RBFOX1: variants seen among roughly 807,000 people sequenced by gnomAD.
The protein encoded by RBFOX1 is RNA binding protein fox-1 homolog 1.
Under a neutral mutation model 57.7 loss-of-function variants are expected in RBFOX1, and 8 were observed. The ratio of observed to expected loss-of-function variants is 0.14; its 90% CI spans 0.08 to 0.25. The LOEUF is 0.25. RBFOX1 is among the 10% of genes least tolerant of loss of function. The pLI is 1.00. For missense variants in RBFOX1, 611 were observed against 548.5 expected (o/e 1.11, Z -1.14); for synonymous variants, 326 against 222.4 (o/e 1.47, Z -4.15).
chr16:6,905,042 T>C (rs745685443), intron 3 of RBFOX1, among the ~76,000 whole-genome samples: 7 of 152,184 alleles, frequency 4.6e-5, no homozygotes, highest in East Asian at 1.9e-4. Context: ...TTTCAAGTTG[T>C]ACAAAATTGA....
chr16:6,888,039 G>C (rs1031314076), intron 3 of RBFOX1, among the ~76,000 whole-genome samples: 3 of 152,036 alleles, frequency 2.0e-5, no homozygotes, highest in Non-Finnish European at 4.4e-5. Flanking sequence ...GTGTTTGCTT[G>C]TGTGTCTGAT....
chr16:6,985,882 T>C (rs74878777), intron 3 of RBFOX1, among the ~76,000 whole-genome samples: 1 of 150,086 alleles, frequency 6.7e-6, no homozygotes, highest in Non-Finnish European at 1.5e-5. Flanking sequence ...TTTCTTTTCT[T>C]TTTTTGCAGG....
Position 6,256,147 on chromosome 16 carries a change from A to ATATATG in RBFOX1, c.-126-60843_-126-60842insGTATAT, listed in dbSNP as rs2097660152. Among the ~76,000 whole-genome samples, 6 of 36,496 alleles carry ATATATG rather than the reference A, an allele frequency of 1.6e-4. 1 individual carries two copies. The highest frequency in any genetic ancestry group is 2.8e-4 in the Non-Finnish European group (5 of 17,796). 23.9% of individuals were successfully genotyped at this position (36,496 alleles called of 152,430 possible). On this transcript the variant is annotated intron_variant, in intron 1 of 15. Transcript: ENST00000550418. ...AACAAATATATATATATGTGTGTAT[A>ATATATG]TATATATATATGTATATATATATGT... is the stretch of plus-strand genomic sequence containing the variant.
chr16:7,312,528 A>C (rs947521687), intron 4 of RBFOX1, among the ~76,000 whole-genome samples: 1 of 152,200 alleles, frequency 6.6e-6, no homozygotes, highest in Admixed American at 6.5e-5. Context: ...AAGGACACAG[A>C]CACAAGGGAC....
chr16:7,241,787 C>T (rs1037640416), intron 4 of RBFOX1, among the ~76,000 whole-genome samples: 2 of 151,704 alleles, frequency 1.3e-5, no homozygotes, highest in African/African-American at 4.8e-5. Flanking sequence ...CTCTTTCAAT[C>T]TGTCTATAAA....
rs568745130 is a variant in RBFOX1, at chr16:5,381,738, C to A, written c.220-85478C>A. 4.6e-5 allele frequency among the ~76,000 whole-genome samples: 7 copies of A among 152,348 alleles called. No individual in the cohort carries two copies. The South Asian group carries it at 1.0e-3, about 23-fold the overall frequency. ...GAAGTGATGATGGTGATTAATGTCG[C>A]TTCATAATCTCTCAACAACTCTGGA... On this transcript the variant is annotated intron_variant, in intron 1 of 2. Coordinates refer to the RBFOX1 transcript ENST00000585867.
chr16:6,920,920 G>A (rs1475856479), intron 3 of RBFOX1, among the ~76,000 whole-genome samples: 1 of 152,186 alleles, frequency 6.6e-6, no homozygotes, highest in African/African-American at 2.4e-5. Flanking sequence ...TTGGACATAG[G>A]TTTTTGCAGG....
At chr16:7,027,745 C>G (rs1189288974) in intron 3 of RBFOX1, among the ~76,000 whole-genome samples, 1 of 151,690 alleles carries the variant, frequency 6.6e-6, no homozygotes, top group Non-Finnish European at 1.5e-5. Context: ...GACTTCTTTC[C>G]TTTTATATTT....
chr16:6,788,939 C>G lies in RBFOX1; in HGVS notation c.-16+134289C>G, dbSNP rs552299065. Among the ~76,000 whole-genome samples, 19 of 152,264 alleles carry G rather than the reference C, an allele frequency of 1.2e-4. No individual in the cohort carries two copies. In the South Asian group the frequency reaches 3.7e-3, roughly 30 times the overall value. The stretch of plus-strand genomic sequence containing the variant: ...CCCCAAGCCAACTTCCCGAGTTCCT[C>G]CTAGCATTCTCTATTCTTTCCGCCG... On this transcript the variant is annotated intron_variant, in intron 3 of 15. Transcript: ENST00000550418.
At chr16:5,471,925 G>A (rs916279720) in intron 2 of RBFOX1, among the ~76,000 whole-genome samples, 7 of 152,112 alleles carry the variant, frequency 4.6e-5, no homozygotes, top group South Asian at 2.1e-4. Flanking sequence ...CAGCATGGGT[G>A]GAAAAAAGTG....
chr16:6,339,925 C>T (rs1451385364), intron 2 of RBFOX1, among the ~76,000 whole-genome samples: 1 of 152,070 alleles, frequency 6.6e-6, no homozygotes, highest in Non-Finnish European at 1.5e-5. Context: ...GATCCACCCA[C>T]CTCGTCCTCC....
At chr16:5,963,273 C>A (rs771305215) in intron 4 of RBFOX1, among the ~76,000 whole-genome samples, 2 of 152,146 alleles carry the variant, frequency 1.3e-5, no homozygotes, top group African/African-American at 2.4e-5. Context: ...ATGACCATTG[C>A]AGGTGGGTCA....
At chr16:7,057,435 T>G (rs2052691312) in intron 4 of RBFOX1, among the ~76,000 whole-genome samples, 1 of 152,216 alleles carries the variant, frequency 6.6e-6, no homozygotes, top group African/African-American at 2.4e-5. Context: ...GATTTTTCTT[T>G]TGATAAAGAC....
chr16:6,753,998 G>A lies in RBFOX1; in HGVS notation c.-16+99348G>A, dbSNP rs138237327. On this transcript the variant is annotated intron_variant, in intron 3 of 15. Coordinates refer to ENST00000550418, the MANE Select transcript of RBFOX1 (RefSeq NM_018723.4). Reference sequence around the variant, plus strand: ...TGTTGACTTGGATGCTTTTTACTGGGTTGTCTTCTGGTACCCAACTCTTGC... The same window carrying A: ...TGTTGACTTGGATGCTTTTTACTGGATTGTCTTCTGGTACCCAACTCTTGC... 1.9e-4 allele frequency among the ~76,000 whole-genome samples: 29 copies of A among 152,148 alleles called. No individual in the cohort carries two copies. In the East Asian group the frequency reaches 5.0e-3, roughly 26 times the overall value.
Position 6,742,660 on chromosome 16 carries a change from G to C in RBFOX1, c.-16+88010G>C, listed in dbSNP as rs181232973. Among the ~76,000 whole-genome samples the C allele has an allele frequency of 3.3e-5, 5 of 152,248 alleles. No homozygotes were observed. In the East Asian group the frequency reaches 9.7e-4, roughly 29 times the overall value. On this transcript the variant is annotated intron_variant, in intron 3 of 15. Coordinates refer to ENST00000550418, the MANE Select transcript of RBFOX1 (RefSeq NM_018723.4). ...GAACTACTATTCAGCAATAAAAACT[G>C]AATGAACTATCGATATACACAACAC... is the stretch of plus-strand genomic sequence containing the variant.
chr16:7,710,858 AT>A lies in RBFOX1; in HGVS notation c.*114del. 10 of 1,042,892 alleles carry A rather than the reference AT, an allele frequency of 9.6e-6. No individual in the cohort carries two copies. The highest frequency in any genetic ancestry group is 1.3e-5 in the Non-Finnish European group (10 of 795,096). 64.6% of individuals were successfully genotyped at this position (1,042,892 alleles called of 1,614,324 possible). ...TTTAGCAACTCTAAAAAAAAAAAAA[AT>A]ACAAATAAAAAGGAAAAAAAATTAC... On this transcript the variant is annotated 3_prime_UTR_variant, in exon 16 of 16. Coordinates refer to ENST00000550418, the MANE Select transcript of RBFOX1 (RefSeq NM_018723.4).
chr16:6,295,803 G>C (rs1339132421), intron 1 of RBFOX1, among the ~76,000 whole-genome samples: 2 of 152,222 alleles, frequency 1.3e-5, no homozygotes, highest in Non-Finnish European at 2.9e-5. Context: ...CAAATGTGAA[G>C]GTTACTCCAG....
intron 3 of RBFOX1, among the ~76,000 whole-genome samples, chr16:5,625,678 C>T (rs1230772727): frequency 2.6e-5 from 4 of 151,830 alleles, no homozygotes; most frequent in Non-Finnish European, 5.9e-5. Context: ...CTTCCTCAGC[C>T]TCCTGAGTAG....
chr16:7,467,304 T>C (rs1167930383), intron 4 of RBFOX1, among the ~76,000 whole-genome samples: 2 of 152,160 alleles, frequency 1.3e-5, no homozygotes, highest in Non-Finnish European at 2.9e-5. Context: ...GGTATGGCTG[T>C]TGCAGGGGGT....
Sources: gnomAD v4.1 joint callset for allele counts (sites outside exome capture counted in the v4.1 genomes callset) on GRCh38, gnomAD v4.1.1 for gene constraint, MANE v1.5 for transcripts, NCBI Gene and HGNC (gene_info 2026-07-23, HGNC 2026-07-21) for gene names.